Variants in MAML3 observed in about 807,000 individuals in gnomAD.
MAML3 encodes mastermind-like protein 3.
Under a neutral mutation model 101.9 loss-of-function variants are expected in MAML3, and 27 were observed. That is an observed-to-expected ratio of 0.27 (90% confidence interval 0.20 to 0.37). MAML3 has a LOEUF of 0.37. Ranked by LOEUF, MAML3 falls within the 10% of genes least tolerant of loss-of-function variation. The probability of loss-of-function intolerance (pLI) is 1.00; values close to 1 mark genes in which losing one functional copy is unlikely to be tolerated. For missense variants in MAML3, 1,316 were observed against 1,444.9 expected, an observed-to-expected ratio of 0.91 and a Z score of 1.45; for synonymous variants, 501 against 555.9, an observed-to-expected ratio of 0.90 and a Z score of 1.39.
chr4:140,128,242 C>T (rs375986690), intron 1 of MAML3, among the ~76,000 whole-genome samples: 71 of 152,290 alleles, frequency 4.7e-4, no homozygotes, highest in African/African-American at 1.0e-3. Context: ...ACAGAGAACT[C>T]ATCACACCTC....
intron 1 of MAML3, among the ~76,000 whole-genome samples, chr4:140,047,885 C>T (rs970728398): frequency 6.6e-6 from 1 of 151,964 alleles, no homozygotes; most frequent in African/African-American, 2.4e-5. Context: ...TCAGCGCTGG[C>T]GGCAATGGCC....
intron 1 of MAML3, among the ~76,000 whole-genome samples, chr4:140,108,218 T>C (rs1414188941): frequency 6.6e-5 from 10 of 152,124 alleles, no homozygotes. Flanking sequence ...CCCCTCAGCC[T>C]GAAATGCCCT....
intron 2 of MAML3, among the ~76,000 whole-genome samples, chr4:139,825,238 A>T (rs1036044246): frequency 1.3e-5 from 2 of 152,154 alleles, no homozygotes; most frequent in African/African-American, 2.4e-5. Context: ...AGGAAAGGGA[A>T]ACGGTATTGG....
At chr4:139,775,563 A>G (rs1177817062) in intron 2 of MAML3, among the ~76,000 whole-genome samples, 1 of 152,176 alleles carries the variant, frequency 6.6e-6, no homozygotes, top group Non-Finnish European at 1.5e-5. Context: ...ACTGGAGTTT[A>G]CAATCTCCCA....
chr4:139,883,058 G>A (rs1193490662), intron 2 of MAML3, among the ~76,000 whole-genome samples: 1 of 152,066 alleles, frequency 6.6e-6, no homozygotes, highest in African/African-American at 2.4e-5. Flanking sequence ...CGAGAAAACA[G>A]ACGACGCAAC....
chr4:139,954,541 T>C (rs6825240), intron 1 of MAML3, among the ~76,000 whole-genome samples: 6,981 of 152,212 alleles, frequency 0.046, 551 homozygotes, highest in African/African-American at 0.16. Context: ...GAATAAGCCA[T>C]AAGGGAAGCC....
intron 3 of MAML3, among the ~76,000 whole-genome samples, chr4:139,729,222 T>C (rs1157707219): frequency 1.3e-5 from 2 of 151,058 alleles, no homozygotes; most frequent in Admixed American, 1.3e-4. Flanking sequence ...ATTTTTCTCT[T>C]TGGGGGATGC....
intron 2 of MAML3, among the ~76,000 whole-genome samples, chr4:139,883,889 C>CTTTTT (rs70943452): frequency 1.2e-4 from 9 of 74,310 alleles, no homozygotes; most frequent in Admixed American, 3.6e-4. Context: ...AATTGCTTGT[C>CTTTTT]TTTTTTTTTT....
At chr4:139,920,074 T>C (rs143860014) in intron 1 of MAML3, among the ~76,000 whole-genome samples, 5 of 152,370 alleles carry the variant, frequency 3.3e-5, no homozygotes, top group Non-Finnish European at 7.3e-5. Flanking sequence ...GATTATCAAA[T>C]ACATTTTATT....
At chr4:139,774,422 G>T (rs892871534) in intron 2 of MAML3, among the ~76,000 whole-genome samples, 9 of 152,356 alleles carry the variant, frequency 5.9e-5, no homozygotes, top group Admixed American at 4.6e-4. Context: ...ATCCATATCT[G>T]CCAAAAGGAT....
At chr4:139,880,191 AC>A (rs1732192262) in intron 2 of MAML3, among the ~76,000 whole-genome samples, 2 of 151,926 alleles carry the variant, frequency 1.3e-5, no homozygotes, top group East Asian at 1.9e-4. Flanking sequence ...AAAAAAAAAA[AC>A]AAACAAAAAA....
At chr4:139,928,272 T>C (rs186298454) in intron 1 of MAML3, among the ~76,000 whole-genome samples, 2 of 152,314 alleles carry the variant, frequency 1.3e-5, no homozygotes, top group Admixed American at 1.3e-4. Context: ...ATGGATTGAT[T>C]TGGAAATGGA....
intron 2 of MAML3, among the ~76,000 whole-genome samples, chr4:139,836,900 A>G (rs1423570561): frequency 6.6e-6 from 1 of 152,084 alleles, no homozygotes; most frequent in Non-Finnish European, 1.5e-5. Context: ...AGGAGGGCAG[A>G]TCACCTGAGG....
intron 1 of MAML3, among the ~76,000 whole-genome samples, chr4:140,122,095 C>T (rs1728615406): frequency 6.6e-6 from 1 of 151,920 alleles, no homozygotes; most frequent in African/African-American, 2.4e-5. Context: ...GATTAAATCT[C>T]TTTCCTTTAT....
At chr4:139,970,303 G>A (rs532770229) in intron 1 of MAML3, among the ~76,000 whole-genome samples, 1 of 152,288 alleles carries the variant, frequency 6.6e-6, no homozygotes, top group South Asian at 2.1e-4. Context: ...AGATGAGCAA[G>A]AAAACACAAG....
chr4:140,003,595 C>T (rs948227162), intron 1 of MAML3, among the ~76,000 whole-genome samples: 2 of 152,124 alleles, frequency 1.3e-5, no homozygotes, highest in African/African-American at 4.8e-5. Flanking sequence ...AGGGTTAACA[C>T]TAGACAATTT....
chr4:139,814,025 A>ACACACACACAC (rs1730851144), intron 2 of MAML3, among the ~76,000 whole-genome samples: 2 of 145,030 alleles, frequency 1.4e-5, no homozygotes, highest in African/African-American at 2.6e-5. Context: ...CACAAACACA[A>ACACACACACAC]ACACACACAC....
intron 2 of MAML3, among the ~76,000 whole-genome samples, chr4:139,824,299 C>T (rs1170571896): frequency 6.6e-6 from 1 of 152,132 alleles, no homozygotes; most frequent in South Asian, 2.1e-4. Flanking sequence ...CTCAGAATGC[C>T]GCACGCATTT....
At chr4:140,039,025 A>G (rs1356031146) in intron 1 of MAML3, among the ~76,000 whole-genome samples, 1 of 152,178 alleles carries the variant, frequency 6.6e-6, no homozygotes, top group African/African-American at 2.4e-5. Flanking sequence ...AGGATGAGGC[A>G]GGAGAATCCC....
Sources: allele counts gnomAD v4.1 joint callset (sites outside exome capture counted in the v4.1 genomes callset), GRCh38; gene constraint gnomAD v4.1.1; transcripts MANE v1.5; gene names NCBI Gene and HGNC (gene_info 2026-07-23, HGNC 2026-07-21).